Variants in CSGALNACT1 observed in about 807,000 individuals in gnomAD.
The protein encoded by CSGALNACT1 is chondroitin sulfate N-acetylgalactosaminyltransferase 1.
A neutral mutation model predicts 51.0 loss-of-function variants in CSGALNACT1; 52 were observed. The observed-to-expected ratio is 1.02, with a 90% CI of 0.82 to 1.29. The LOEUF (loss-of-function observed/expected upper bound fraction) is 1.29, where lower values mean the gene tolerates loss of function less well. Among genes scored for constraint, CSGALNACT1 ranks in the 50% most tolerant of loss-of-function variants. CSGALNACT1 has a pLI of 0.00. For missense variants in CSGALNACT1, 935 were observed against 679.2 expected, an observed-to-expected ratio of 1.38 and a Z score of -4.19; for synonymous variants, 341 against 254.4, an observed-to-expected ratio of 1.34 and a Z score of -3.24.
At chr8:19,443,346 A>T (rs1038191998) in intron 5 of CSGALNACT1, among the ~76,000 whole-genome samples, 5 of 152,246 alleles carry the variant, frequency 3.3e-5, no homozygotes, top group Non-Finnish European at 7.3e-5. Context: ...TTATGTACAC[A>T]TATATGCATA....
At chr8:19,571,272 T>C (rs2042963692) in intron 3 of CSGALNACT1, among the ~76,000 whole-genome samples, 1 of 152,112 alleles carries the variant, frequency 6.6e-6, no homozygotes, top group African/African-American at 2.4e-5. Context: ...AAACTCCGTA[T>C]CCGATATAAC....
rs1157092044 is a variant in CSGALNACT1, at chr8:19,602,175, G to T, written c.-694C>A. The T allele has an allele frequency of 1.5e-5, 3 of 202,284 alleles. No individual in the cohort carries two copies. The South Asian group carries it at 2.2e-4, about 15-fold the overall frequency. 12.5% of individuals were successfully genotyped at this position (202,284 alleles called of 1,614,324 possible). A position where few individuals can be genotyped will look rare whatever the true frequency, so the allele number is the denominator to read the frequency against. On this transcript the variant is annotated 5_prime_UTR_variant, in exon 1 of 10. Transcript: ENST00000454498. Reference sequence around the variant, plus strand: ...AAAGCCGATCTCGCAGGAAAGAAACGTGCCCAGCTGCCAGCGAGCCGCTTC... The same window carrying T: ...AAAGCCGATCTCGCAGGAAAGAAACTTGCCCAGCTGCCAGCGAGCCGCTTC...
intron 1 of CSGALNACT1, among the ~76,000 whole-genome samples, chr8:19,754,724 G>A (rs1415157782): frequency 1.3e-5 from 2 of 152,232 alleles, no homozygotes; most frequent in Middle Eastern, 3.4e-3. Context: ...ATTCCATGTC[G>A]TGAACCCAGG....
intron 6 of CSGALNACT1, among the ~76,000 whole-genome samples, chr8:19,429,456 C>T (rs963756650): frequency 2.8e-4 from 4 of 14,186 alleles, no homozygotes; most frequent in Admixed American, 1.0e-3. Flanking sequence ...GGATAACAGG[C>T]GTGAGCCACT....
chr8:19,652,090 C>A (rs569233111), intron 1 of CSGALNACT1, among the ~76,000 whole-genome samples: 1 of 152,106 alleles, frequency 6.6e-6, no homozygotes, highest in South Asian at 2.1e-4. Flanking sequence ...CCACCACACC[C>A]AGCTAATTTT....
intron 1 of CSGALNACT1, among the ~76,000 whole-genome samples, chr8:19,710,924 T>C (rs1388429619): frequency 6.6e-6 from 1 of 151,594 alleles, no homozygotes; most frequent in Non-Finnish European, 1.5e-5. Flanking sequence ...CCTCTCTGAT[T>C]TTTTTTTTCC....
At chr8:19,553,463 G>T (rs1298282407) in intron 3 of CSGALNACT1, among the ~76,000 whole-genome samples, 2 of 151,676 alleles carry the variant, frequency 1.3e-5, no homozygotes, top group Non-Finnish European at 2.9e-5. Context: ...GGCCCAAAAT[G>T]CAAGAGCTTC....
intron 1 of CSGALNACT1, among the ~76,000 whole-genome samples, chr8:19,628,192 G>T (rs1422861844): frequency 6.6e-6 from 1 of 152,184 alleles, no homozygotes; most frequent in Non-Finnish European, 1.5e-5. Context: ...ACCCAAGACT[G>T]GGTGATTTAC....
At chr8:19,579,159 G>A (rs373354413) in intron 3 of CSGALNACT1, among the ~76,000 whole-genome samples, 32 of 152,322 alleles carry the variant, frequency 2.1e-4, no homozygotes, top group African/African-American at 7.2e-4. Context: ...GGCTTCCCAT[G>A]TCACTTAGGA....
At chr8:19,480,060 G>T (rs753712795) in intron 4 of CSGALNACT1, among the ~76,000 whole-genome samples, 2 of 152,150 alleles carry the variant, frequency 1.3e-5, no homozygotes, top group Non-Finnish European at 2.9e-5. Context: ...GCATATTTCA[G>T]TTGCCTTCCT....
chr8:19,582,216 T>C (rs908115881), intron 3 of CSGALNACT1, among the ~76,000 whole-genome samples: 6 of 152,228 alleles, frequency 3.9e-5, no homozygotes, highest in African/African-American at 1.2e-4. Context: ...TTAAATACTG[T>C]CCTGGTGAAT....
intron 3 of CSGALNACT1, among the ~76,000 whole-genome samples, chr8:19,538,577 A>G (rs1210999262): frequency 6.6e-6 from 1 of 152,142 alleles, no homozygotes. Context: ...GGGAAGTGAG[A>G]AGGAGGAGGC....
At chr8:19,465,354 G>A (rs1192271840) in intron 4 of CSGALNACT1, among the ~76,000 whole-genome samples, 2 of 152,188 alleles carry the variant, frequency 1.3e-5, no homozygotes, top group East Asian at 1.9e-4. Flanking sequence ...AGCAGGGACT[G>A]GGGAGTGAGT....
At chr8:19,432,564 T>C (rs972029036) in intron 6 of CSGALNACT1, among the ~76,000 whole-genome samples, 2 of 152,198 alleles carry the variant, frequency 1.3e-5, no homozygotes, top group African/African-American at 4.8e-5. Context: ...CATATGTTTG[T>C]ATGCTTGATG....
chr8:19,615,282 G>T (rs560934328), intron 1 of CSGALNACT1, among the ~76,000 whole-genome samples: 2 of 152,176 alleles, frequency 1.3e-5, no homozygotes, highest in Non-Finnish European at 2.9e-5. Flanking sequence ...CAGCCTGGGG[G>T]ACAAAGTGAG....
At chr8:19,649,651 G>T (rs527571138) in intron 1 of CSGALNACT1, among the ~76,000 whole-genome samples, 3 of 151,426 alleles carry the variant, frequency 2.0e-5, no homozygotes, top group African/African-American at 7.3e-5. Flanking sequence ...AATCAAAGGG[G>T]AATGATAAAA....
At chr8:19,730,614 C>T (rs796237947) in intron 1 of CSGALNACT1, among the ~76,000 whole-genome samples, 1 of 152,188 alleles carries the variant, frequency 6.6e-6, no homozygotes, top group African/African-American at 2.4e-5. Context: ...TGCTGTCTGT[C>T]GTTGTGTGCA....
chr8:19,545,765 G>T (rs1183186375), intron 3 of CSGALNACT1, among the ~76,000 whole-genome samples: 1 of 147,770 alleles, frequency 6.8e-6, no homozygotes, highest in Non-Finnish European at 1.5e-5. Flanking sequence ...CTGAGAAAAG[G>T]ATATATATAT....
chr8:19,404,642 T>A (rs2053807539), exon 10 of CSGALNACT1: 1 of 447,682 alleles, frequency 2.2e-6, no homozygotes, highest in Admixed American at 2.4e-5. Flanking sequence ...CCATTTCTTC[T>A]TATGGAAGCC....
Sources: gnomAD v4.1 joint callset for allele counts (sites outside exome capture counted in the v4.1 genomes callset) on GRCh38, gnomAD v4.1.1 for gene constraint, MANE v1.5 for transcripts, NCBI Gene and HGNC (gene_info 2026-07-23, HGNC 2026-07-21) for gene names.